Variants in CARMIL1 observed in about 807,000 individuals in gnomAD.
The protein encoded by CARMIL1 is F-actin-uncapping protein LRRC16A.
A neutral mutation model predicts 177.1 loss-of-function variants in CARMIL1; 90 were observed. That is an observed-to-expected ratio of 0.51 (90% CI 0.43 to 0.61). CARMIL1 has a LOEUF of 0.61. Among genes scored for constraint, CARMIL1 ranks in the 20% least tolerant of loss-of-function variants. The pLI is 0.00. For missense variants in CARMIL1, 1,380 were observed against 1,667.0 expected (o/e 0.83, Z 3.00); for synonymous variants, 577 against 606.2 (o/e 0.95, Z 0.71).
Position 25,352,785 on chromosome 6 carries a change from G to T in CARMIL1, c.139-67329G>T, listed in dbSNP as rs528639634. ...AATAATTAAAAAAACTGTCTTGCTG[G>T]AGTAGCTCTCTCTTACCCATGGACA... On this transcript the variant is annotated intron_variant, in intron 2 of 36. Coordinates refer to ENST00000329474, the MANE Select transcript of CARMIL1 (RefSeq NM_017640.6). Among the ~76,000 whole-genome samples, 143 of 152,218 alleles carry T rather than the reference G, an allele frequency of 9.4e-4. 1 individual carries two copies. Among genetic ancestry groups the T allele is most frequent in the African/African-American group, 3.3e-3 (137 of 41,520 alleles).
intron 8 of CARMIL1, among the ~76,000 whole-genome samples, chr6:25,454,538 T>G (rs1028709604): frequency 1.3e-5 from 2 of 152,218 alleles, no homozygotes; most frequent in Non-Finnish European, 2.9e-5. Context: ...TATTATTGAC[T>G]TATTTTAATA....
chr6:25,447,574 G>A (rs1354048868), intron 5 of CARMIL1, among the ~76,000 whole-genome samples: 1 of 151,876 alleles, frequency 6.6e-6, no homozygotes, highest in Non-Finnish European at 1.5e-5. Context: ...TCTCACCCAC[G>A]TCCTGTCATG....
In CARMIL1 at chr6:25,529,755, C is replaced by CAAAAAAAAAAAA. The variant is rs70977217; in HGVS notation, c.2067+881_2067+892dup. Among the ~76,000 whole-genome samples, 294 of 32,932 alleles carry CAAAAAAAAAAAA rather than the reference C, an allele frequency of 8.9e-3. 28 individuals carry two copies. Among genetic ancestry groups the CAAAAAAAAAAAA allele is most frequent in the Non-Finnish European group, 0.014 (218 of 15,480 alleles). 21.6% of individuals were successfully genotyped at this position (32,932 alleles called of 152,430 possible). ...GGGCGACAGAGCGAGACTCCGTCTC[C>CAAAAAAAAAAAA]AAAAAAAAAAAAAAAAAAAAAAAAA... is the stretch of plus-strand genomic sequence containing the variant. On this transcript the variant is annotated intron_variant, in intron 24 of 36. Transcript: ENST00000329474.
chr6:25,541,667 T>A (rs188050117), intron 26 of CARMIL1, among the ~76,000 whole-genome samples: 64 of 152,300 alleles, frequency 4.2e-4, no homozygotes, highest in African/African-American at 1.5e-3. Context: ...TTTTGTTTGT[T>A]TTTTGAGATG....
chr6:25,310,912 T>TA (rs1373395992), intron 2 of CARMIL1, among the ~76,000 whole-genome samples: 1 of 152,152 alleles, frequency 6.6e-6, no homozygotes, highest in Non-Finnish European at 1.5e-5. Context: ...ATGACTTCTA[T>TA]AAAACATGGT....
intron 8 of CARMIL1, among the ~76,000 whole-genome samples, chr6:25,460,458 G>C (rs560489061): frequency 6.6e-6 from 1 of 152,262 alleles, no homozygotes; most frequent in East Asian, 1.9e-4. Context: ...CTTCATGTTT[G>C]TTCTGGCTGT....
intron 29 of CARMIL1, among the ~76,000 whole-genome samples, chr6:25,566,633 T>C (rs1401068062): frequency 6.6e-6 from 1 of 152,246 alleles, no homozygotes; most frequent in Non-Finnish European, 1.5e-5. Flanking sequence ...AGGTATAAGC[T>C]TCTGGCAGGC....
chr6:25,421,764 A>G (rs1271867559), intron 3 of CARMIL1, among the ~76,000 whole-genome samples: 5 of 150,464 alleles, frequency 3.3e-5, no homozygotes, highest in African/African-American at 9.8e-5. Context: ...GTAAACTATC[A>G]CAAGGACAAA....
At chr6:25,442,505 C>G (rs931031699) in intron 5 of CARMIL1, among the ~76,000 whole-genome samples, 1 of 150,820 alleles carries the variant, frequency 6.6e-6, no homozygotes, top group African/African-American at 2.4e-5. Flanking sequence ...TGAGCTGGTG[C>G]CCGGTAACAA....
intron 23 of CARMIL1, 95 bp downstream of exon 23, chr6:25,520,432 G>GT: frequency 6.9e-6 from 5 of 719,928 alleles, no homozygotes; most frequent in South Asian, 2.4e-5. Context: ...ATTTTACGAA[G>GT]TTTTTTTAAA....
chr6:25,584,618 G>C (rs1462327867), intron 31 of CARMIL1, among the ~76,000 whole-genome samples: 1 of 151,818 alleles, frequency 6.6e-6, no homozygotes, highest in African/African-American at 2.4e-5. Context: ...TTGATGAAGT[G>C]GATAGTTACA....
chr6:25,483,417 C>G (rs1802308693), intron 12 of CARMIL1, among the ~76,000 whole-genome samples: 1 of 152,040 alleles, frequency 6.6e-6, no homozygotes, highest in Non-Finnish European at 1.5e-5. Context: ...AGAAATAACA[C>G]TATCTTATTT....
At chr6:25,492,327 G>C (rs2150999695) in intron 15 of CARMIL1, among the ~76,000 whole-genome samples, 1 of 152,274 alleles carries the variant, frequency 6.6e-6, no homozygotes, top group Middle Eastern at 3.4e-3. Flanking sequence ...AACTTTTATA[G>C]GTATTTCTCA....
chr6:25,391,113 G>C (rs936284879), intron 2 of CARMIL1, among the ~76,000 whole-genome samples: 46 of 152,214 alleles, frequency 3.0e-4, no homozygotes, highest in African/African-American at 1.1e-3. Flanking sequence ...CTTCATAAGA[G>C]ATAGTTAACT....
chr6:25,299,170 CTTT>C (rs565622591), intron 2 of CARMIL1, among the ~76,000 whole-genome samples: 5 of 118,038 alleles, frequency 4.2e-5, no homozygotes, highest in African/African-American at 6.3e-5. Context: ...ATGCTGGATT[CTTT>C]TTTTTTTTTT....
At chr6:25,499,068 G>T (rs1163040105) in intron 16 of CARMIL1, among the ~76,000 whole-genome samples, 1 of 152,172 alleles carries the variant, frequency 6.6e-6, no homozygotes, top group African/African-American at 2.4e-5. Context: ...CCATGCCACT[G>T]CTGGAGTTCT....
At chr6:25,442,423 C>T (rs72831273) in intron 5 of CARMIL1, among the ~76,000 whole-genome samples, 13,801 of 151,418 alleles carry the variant, frequency 0.091, 675 homozygotes, top group South Asian at 0.1. Context: ...ACTTATTGGA[C>T]AACAAATCCT....
intron 11 of CARMIL1, among the ~76,000 whole-genome samples, chr6:25,478,910 C>T (rs1271583460): frequency 6.6e-6 from 1 of 151,904 alleles, no homozygotes; most frequent in Non-Finnish European, 1.5e-5. Flanking sequence ...AAGTCTTTTC[C>T]TCTCAGCCTT....
At chr6:25,328,681 G>A (rs770762886) in intron 2 of CARMIL1, among the ~76,000 whole-genome samples, 4 of 152,050 alleles carry the variant, frequency 2.6e-5, no homozygotes, top group Non-Finnish European at 4.4e-5. Context: ...CATCATGTAG[G>A]CTTTGGAGCC....
Sources: gnomAD v4.1 joint callset for allele counts (sites outside exome capture counted in the v4.1 genomes callset) on GRCh38, gnomAD v4.1.1 for gene constraint, MANE v1.5 for transcripts, NCBI Gene and HGNC (gene_info 2026-07-23, HGNC 2026-07-21) for gene names.